The following FOXP1 variants were observed in gnomAD, a reference collection of about 807,000 sequenced individuals.
FOXP1 encodes the protein forkhead box P1.
FOXP1 carries 15 observed loss-of-function variants against 98.2 expected under a neutral mutation model. The observed-to-expected ratio is 0.15, with a 90% CI of 0.10 to 0.24. FOXP1 has a LOEUF of 0.24. Ranked by LOEUF, FOXP1 falls within the 10% of genes least tolerant of loss-of-function variation. The pLI is 1.00. For missense variants in FOXP1, 633 were observed against 848.5 expected (o/e 0.75, Z 3.15); for synonymous variants, 371 against 314.5 (o/e 1.18, Z -1.90).
intron 13 of FOXP1, among the ~76,000 whole-genome samples, chr3:70,995,007 C>T (rs2041163101): frequency 6.6e-6 from 1 of 151,968 alleles, no homozygotes; most frequent in Admixed American, 6.6e-5. Context: ...TAAGTGAAGT[C>T]AATTCTGTCA....
chr3:71,554,228 C>T (rs2107686698), intron 2 of FOXP1, among the ~76,000 whole-genome samples: 1 of 152,276 alleles, frequency 6.6e-6, no homozygotes, highest in Admixed American at 6.5e-5. Flanking sequence ...GTGGTGCACA[C>T]TTGTGGTCCC....
intron 3 of FOXP1, among the ~76,000 whole-genome samples, chr3:71,442,731 G>A (rs1471239852): frequency 6.6e-6 from 1 of 152,166 alleles, no homozygotes; most frequent in African/African-American, 2.4e-5. Flanking sequence ...GCCCAGGCCT[G>A]CTCCATCAGG....
At chr3:71,329,255 T>C (rs1481781984) in intron 4 of FOXP1, among the ~76,000 whole-genome samples, 2 of 151,630 alleles carry the variant, frequency 1.3e-5, no homozygotes, top group Non-Finnish European at 2.9e-5. Flanking sequence ...GGAGTCTCCC[T>C]CTGTCGCACA....
intron 7 of FOXP1, among the ~76,000 whole-genome samples, chr3:71,091,588 A>G (rs1303526270): frequency 3.3e-5 from 5 of 152,216 alleles, no homozygotes; most frequent in African/African-American, 1.2e-4. Context: ...TGGTTTTTAG[A>G]ATTTGGGTCT....
intron 3 of FOXP1, among the ~76,000 whole-genome samples, chr3:71,359,560 T>C (rs976887810): frequency 6.6e-6 from 1 of 152,154 alleles, no homozygotes; most frequent in African/African-American, 2.4e-5. Flanking sequence ...TTTCTTTTCT[T>C]TTTTCTGAGA....
chr3:71,384,168 T>G (rs76535569), intron 3 of FOXP1, among the ~76,000 whole-genome samples: 1,944 of 152,254 alleles, frequency 0.013, 45 homozygotes, highest in African/African-American at 0.044. Flanking sequence ...TGCAGTGAGC[T>G]GAGATCGCCC....
chr3:71,553,469 A>C (rs900703939), intron 2 of FOXP1, among the ~76,000 whole-genome samples: 2 of 152,210 alleles, frequency 1.3e-5, no homozygotes, highest in Admixed American at 1.3e-4. Context: ...ATACAGTTAC[A>C]GAATTTCAGA....
At chr3:70,964,280 T>A (rs1169997623) in intron 20 of FOXP1, among the ~76,000 whole-genome samples, 1 of 152,244 alleles carries the variant, frequency 6.6e-6, no homozygotes, top group Non-Finnish European at 1.5e-5. Flanking sequence ...GTTTGGGTAA[T>A]ACTGGGGTTA....
At chr3:70,967,478 A>AG (rs1350084926) in intron 19 of FOXP1, among the ~76,000 whole-genome samples, 1 of 152,162 alleles carries the variant, frequency 6.6e-6, no homozygotes. Flanking sequence ...TTTAAAAAGT[A>AG]GGGGGAAAAT....
chr3:71,441,760 A>G (rs1293555023), intron 3 of FOXP1, among the ~76,000 whole-genome samples: 1 of 152,172 alleles, frequency 6.6e-6, no homozygotes, highest in African/African-American at 2.4e-5. Flanking sequence ...GTGCTCAACA[A>G]GACACGCTAT....
At chr3:71,119,999 T>C (rs917787303) in intron 6 of FOXP1, among the ~76,000 whole-genome samples, 13 of 152,192 alleles carry the variant, frequency 8.5e-5, no homozygotes, top group Non-Finnish European at 1.6e-4. Flanking sequence ...AAATATTAGA[T>C]GTTCAAAGAA....
At chr3:71,307,534 A>T (rs1254620745) in intron 4 of FOXP1, among the ~76,000 whole-genome samples, 1 of 152,208 alleles carries the variant, frequency 6.6e-6, no homozygotes, top group African/African-American at 2.4e-5. Context: ...GAAACTGAAG[A>T]CGCTGATTTT....
At chr3:71,045,502 C>A (rs138138052) in intron 10 of FOXP1, among the ~76,000 whole-genome samples, 1 of 152,176 alleles carries the variant, frequency 6.6e-6, no homozygotes, top group Non-Finnish European at 1.5e-5. Flanking sequence ...AATTAACACA[C>A]GCTATGACAT....
chr3:71,201,824 C>T (rs1055804432), intron 5 of FOXP1, among the ~76,000 whole-genome samples: 6 of 151,946 alleles, frequency 3.9e-5, no homozygotes, highest in Non-Finnish European at 8.8e-5. Flanking sequence ...AGATATTTTT[C>T]CTTCTGGGAA....
chr3:71,492,368 C>T (rs536662898), intron 3 of FOXP1, among the ~76,000 whole-genome samples: 3 of 151,810 alleles, frequency 2.0e-5, no homozygotes, highest in African/African-American at 7.3e-5. Flanking sequence ...AGAAAAATTG[C>T]TTGAACCTGG....
At chr3:70,980,470 G>C (rs949799393) in intron 14 of FOXP1, among the ~76,000 whole-genome samples, 2 of 152,224 alleles carry the variant, frequency 1.3e-5, no homozygotes, top group Non-Finnish European at 2.9e-5. Flanking sequence ...TAATATCTGA[G>C]ATGTTATTAC....
chr3:71,461,328 G>A (rs2088077495), intron 3 of FOXP1, among the ~76,000 whole-genome samples: 3 of 152,146 alleles, frequency 2.0e-5, no homozygotes, highest in Middle Eastern at 3.2e-3. Context: ...CTAACATCAC[G>A]TCTAAAAACA....
chr3:71,259,916 G>A (rs1004673182), intron 5 of FOXP1, among the ~76,000 whole-genome samples: 4 of 152,258 alleles, frequency 2.6e-5, no homozygotes, highest in South Asian at 2.1e-4. Context: ...GCTCAGCGTG[G>A]TACCCAGTTA....
chr3:71,446,604 T>C (rs2086468293), intron 3 of FOXP1, among the ~76,000 whole-genome samples: 1 of 152,220 alleles, frequency 6.6e-6, no homozygotes, highest in Non-Finnish European at 1.5e-5. Flanking sequence ...AAAGTGTTAT[T>C]AAAACACTGT....
Sources: allele counts gnomAD v4.1 joint callset (sites outside exome capture counted in the v4.1 genomes callset), GRCh38; gene constraint gnomAD v4.1.1; transcripts MANE v1.5; gene names NCBI Gene and HGNC (gene_info 2026-07-23, HGNC 2026-07-21).